The following LIMCH1 variants were observed in gnomAD, a reference collection of about 807,000 sequenced individuals.
The protein encoded by LIMCH1 is LIM and calponin homology domains-containing protein 1.
A neutral mutation model predicts 176.5 loss-of-function variants in LIMCH1; 113 were observed. The ratio of observed to expected loss-of-function variants is 0.64; its 90% CI spans 0.55 to 0.75. The LOEUF (loss-of-function observed/expected upper bound fraction) is 0.75. Among genes scored for constraint, LIMCH1 ranks in the 30% least tolerant of loss-of-function variants. LIMCH1 has a pLI of 0.00. For missense variants in LIMCH1, 1,674 were observed against 1,814.9 expected, an observed-to-expected ratio of 0.92 and a Z score of 1.41; for synonymous variants, 619 against 645.9, an observed-to-expected ratio of 0.96 and a Z score of 0.63.
At chr4:41,569,463 A>C (rs2083227374) in intron 1 of LIMCH1, among the ~76,000 whole-genome samples, 1 of 152,188 alleles carries the variant, frequency 6.6e-6, no homozygotes, top group Non-Finnish European at 1.5e-5. Flanking sequence ...CCCCATGAGC[A>C]AGAGGGCAGA....
intron 1 of LIMCH1, among the ~76,000 whole-genome samples, chr4:41,362,952 T>TG (rs2154091260): frequency 6.6e-6 from 1 of 152,308 alleles, no homozygotes; most frequent in African/African-American, 2.4e-5. Flanking sequence ...AAAACCGTAA[T>TG]GGGGCATGCG....
intron 2 of LIMCH1, among the ~76,000 whole-genome samples, chr4:41,511,959 T>C (rs7684066): frequency 0.52 from 78,417 of 152,048 alleles, 23,234 homozygotes; most frequent in African/African-American, 0.82. Context: ...GCAAATGATA[T>C]CATCTCTCAA....
chr4:41,360,956 G>T lies in LIMCH1; in HGVS notation c.96+20G>T. The T allele has an allele frequency of 6.5e-7, 1 of 1,547,586 alleles. No individual in the cohort carries two copies. Among genetic ancestry groups the T allele is most frequent in the Non-Finnish European group, 8.7e-7 (1 of 1,147,420 alleles). ...ATTGAGGTAGGTGCGGGTGGCTGGCGGGCGGCCTTGCACTGGCGCCCTGAG... is the reference window on the plus strand; with the variant it reads ...ATTGAGGTAGGTGCGGGTGGCTGGCTGGCGGCCTTGCACTGGCGCCCTGAG... On this transcript the variant is annotated intron_variant, in intron 1 of 26. Transcript: ENST00000313860. This position sits in a 1 kb window ranked among gnomAD's most constrained non-coding sequence, Gnocchi z 4.5.
At chr4:41,510,181 T>G (rs1341836916) in intron 2 of LIMCH1, among the ~76,000 whole-genome samples, 1 of 152,208 alleles carries the variant, frequency 6.6e-6, no homozygotes, top group Non-Finnish European at 1.5e-5. Flanking sequence ...AATCTGCTCC[T>G]TAATAAATAT....
intron 1 of LIMCH1, among the ~76,000 whole-genome samples, chr4:41,392,335 G>A (rs1561221103): frequency 6.6e-6 from 1 of 152,172 alleles, no homozygotes; most frequent in Non-Finnish European, 1.5e-5. Context: ...AAGTTTAGAG[G>A]TCTAAAGATG....
In LIMCH1 at chr4:41,650,376, C is replaced by T. The variant is rs1301361792; in HGVS notation, c.2821-17C>T. The T allele has an allele frequency of 2.5e-6, 4 of 1,597,726 alleles. No homozygotes were observed. Among genetic ancestry groups the T allele is most frequent in the Non-Finnish European group, 3.4e-6 (4 of 1,166,674 alleles). On this transcript the variant is annotated splice_polypyrimidine_tract_variant and intron_variant, in intron 17 of 31. Transcript: ENST00000503057. ...GGGTATATATAGCATGTTTTTTGTTCATTCTGGCTTTTATAGGTAGACGGG... is the reference window on the plus strand; with the variant it reads ...GGGTATATATAGCATGTTTTTTGTTTATTCTGGCTTTTATAGGTAGACGGG...
upstream of LIMCH1, among the ~76,000 whole-genome samples, chr4:41,537,299 T>C (rs969280296): frequency 5.9e-5 from 9 of 152,378 alleles, no homozygotes; most frequent in Middle Eastern, 3.4e-3. Flanking sequence ...CCGCACACGA[T>C]GCTTCTGCTC....
At chr4:41,473,030 T>A in intron 1 of LIMCH1, 1 of 984,386 alleles carries the variant, frequency 1.0e-6, no homozygotes, top group Non-Finnish European at 1.2e-6. Context: ...CGAAGGCCAA[T>A]CTCCACGAAA....
chr4:41,479,498 C>T (rs1042009187), intron 1 of LIMCH1, among the ~76,000 whole-genome samples: 1 of 152,178 alleles, frequency 6.6e-6, no homozygotes, highest in Non-Finnish European at 1.5e-5. Context: ...GCAATTCTTT[C>T]ACTTCAGCCT....
At chr4:41,540,878 G>T (rs1027545101) in intron 1 of LIMCH1, among the ~76,000 whole-genome samples, 1 of 152,192 alleles carries the variant, frequency 6.6e-6, no homozygotes, top group African/African-American at 2.4e-5. Flanking sequence ...GACTTTCAAG[G>T]GCTGCTGGGC....
chr4:41,693,739 C>CT (rs1728227061), intron 31 of LIMCH1, among the ~76,000 whole-genome samples: 1 of 152,106 alleles, frequency 6.6e-6, no homozygotes, highest in African/African-American at 2.4e-5. Flanking sequence ...TTCCTATCGT[C>CT]TTCTATAAAT....
chr4:41,671,359 C>T (rs1386168208), intron 21 of LIMCH1, among the ~76,000 whole-genome samples, 195 bp from the exon 22 acceptor site: 1 of 149,578 alleles, frequency 6.7e-6, no homozygotes, highest in Non-Finnish European at 1.5e-5. Context: ...CAGGGGTTGT[C>T]TGCTTTATTA....
chr4:41,459,600 C>T (rs1324768658), intron 1 of LIMCH1, among the ~76,000 whole-genome samples: 1 of 152,100 alleles, frequency 6.6e-6, no homozygotes, highest in African/African-American at 2.4e-5. Context: ...CTGTGCACAG[C>T]CCATTTTAGG....
At chr4:41,524,435 T>C in exon 3 of LIMCH1, 5 of 1,613,968 alleles carry the variant, frequency 3.1e-6, no homozygotes, top group Non-Finnish European at 4.2e-6. Flanking sequence ...AAGCCAGGAC[T>C]TGTTAAAAAG....
In LIMCH1 at chr4:41,672,647, T is replaced by G. The variant is rs1205620856; in HGVS notation, c.3438+1053T>G. On this transcript the variant is annotated intron_variant, in intron 22 of 31. Transcript: ENST00000503057. ...ATAAGAAAACATTTGTTAATTAAAA[T>G]AAGACACAAGGTGCTGTGGACATTC... Among the ~76,000 whole-genome samples, 3 of 152,308 alleles carry G rather than the reference T, an allele frequency of 2.0e-5. No homozygotes were observed. The East Asian group carries it at 5.8e-4, about 29-fold the overall frequency.
At chr4:41,643,394 A>G (rs1401027777) in intron 14 of LIMCH1, among the ~76,000 whole-genome samples, 2 of 152,104 alleles carry the variant, frequency 1.3e-5, no homozygotes, top group Non-Finnish European at 1.5e-5. Context: ...CTTAACAGTG[A>G]GCTTTTAAGA....
At chr4:41,521,244 G>C (rs1401842098) in intron 2 of LIMCH1, among the ~76,000 whole-genome samples, 1 of 152,120 alleles carries the variant, frequency 6.6e-6, no homozygotes, top group Non-Finnish European at 1.5e-5. Flanking sequence ...GGTGAAAACT[G>C]TCCCAGCTGT....
At chr4:41,638,807 C>G in intron 13 of LIMCH1, 125 bp from the exon 14 acceptor site, 2 of 781,462 alleles carry the variant, frequency 2.6e-6, no homozygotes, top group South Asian at 2.9e-5. Context: ...TGCCATTTCT[C>G]TTTCAGTATC....
intron 1 of LIMCH1, chr4:41,494,422 CACAT>C (rs2071677279): frequency 7.6e-6 from 5 of 661,918 alleles, no homozygotes; most frequent in Admixed American, 2.6e-5. Context: ...TACATATATA[CACAT>C]ACATAGTTAT....
Sources: allele counts gnomAD v4.1 joint callset (sites outside exome capture counted in the v4.1 genomes callset), GRCh38; gene constraint gnomAD v4.1.1; non-coding constraint Gnocchi (gnomAD v3.1); transcripts MANE v1.5; gene names NCBI Gene and HGNC (gene_info 2026-07-23, HGNC 2026-07-21).